Variants in ALDH4A1 observed in about 807,000 individuals in gnomAD.
The protein encoded by ALDH4A1 is aldehyde dehydrogenase 4 family member A1.
ALDH4A1 carries 46 observed loss-of-function variants against 70.5 expected under a neutral mutation model. The ratio of observed to expected loss-of-function variants is 0.65; its 90% CI spans 0.51 to 0.83. ALDH4A1 has a LOEUF of 0.83. Ranked by LOEUF, ALDH4A1 falls within the 40% of genes least tolerant of loss-of-function variation. ALDH4A1 has a pLI of 0.00. For synonymous variants in ALDH4A1, 323 were observed against 324.3 expected (o/e 1.00, Z 0.04); for missense variants, 749 against 766.5 (o/e 0.98, Z 0.27).
At chr1:18,890,335 A>G in intron 1 of ALDH4A1, 1 of 507,830 alleles carries the variant, frequency 2.0e-6, no homozygotes, top group Non-Finnish European at 3.6e-6. Context: ...TGAGGTCAGG[A>G]GTTCGAGACC....
At chr1:18,900,527 T>C (rs760689549) in intron 1 of ALDH4A1, among the ~76,000 whole-genome samples, 1 of 152,190 alleles carries the variant, frequency 6.6e-6, no homozygotes, top group Non-Finnish European at 1.5e-5. Context: ...TTTTTCGTAA[T>C]TGTCAGGGCC....
chr1:18,872,634 G>T lies in ALDH4A1; in HGVS notation c.*211C>A, dbSNP rs1039917703. 7.3e-6 allele frequency: 4 copies of T among 545,358 alleles called. No individual in the cohort carries two copies. The highest frequency in any genetic ancestry group is 3.1e-5 in the Admixed American group (1 of 31,964). The allele number at this position is 545,358 out of a possible 1,614,324, so 33.8% of individuals were successfully genotyped here. A position where few individuals can be genotyped will look rare whatever the true frequency, so the allele number is the denominator to read the frequency against. ...CCTCCCACATGGCCGATGGGATAAGGGGTAGTGGCCATGTTCCTCCCCAGC... is the reference window on the plus strand; with the variant it reads ...CCTCCCACATGGCCGATGGGATAAGTGGTAGTGGCCATGTTCCTCCCCAGC... On this transcript the variant is annotated 3_prime_UTR_variant, in exon 15 of 15. Coordinates refer to ENST00000375341, the MANE Select transcript of ALDH4A1 (RefSeq NM_003748.4).
At chr1:18,899,761 C>T (rs1204532612) in intron 1 of ALDH4A1, among the ~76,000 whole-genome samples, 1 of 152,176 alleles carries the variant, frequency 6.6e-6, no homozygotes, top group African/African-American at 2.4e-5. Context: ...AGCTGCCATC[C>T]CTGGGCCCAC....
At chr1:18,875,546 G>T in intron 12 of ALDH4A1, 43 bp from the exon 13 acceptor site, 2 of 1,613,350 alleles carry the variant, frequency 1.2e-6, no homozygotes, top group South Asian at 2.2e-5. Flanking sequence ...CGGGACCAGG[G>T]ACCAGGGCCC....
Position 18,877,404 on chromosome 1 carries a change from G to T in ALDH4A1, c.1137+12C>A. 2.6e-6 allele frequency: 4 copies of T among 1,560,668 alleles called. No homozygotes were observed. The highest frequency in any genetic ancestry group is 2.6e-6 in the Non-Finnish European group (3 of 1,151,422). On this transcript the variant is annotated intron_variant, in intron 10 of 14. Transcript: ENST00000375341. ...CCCGCTGGGCCGCGGCGGGGGTGAC[G>T]GTGCCACTCACGTCGCCCACTTTGA...
chr1:18,877,633 G>GCC, intron 9 of ALDH4A1, 21 bp from the exon 10 acceptor site: 3 of 683,750 alleles, frequency 4.4e-6, no homozygotes, highest in Non-Finnish European at 7.9e-6. Context: ...CGGGGGTGGG[G>GCC]AAATGACCAG....
In ALDH4A1 at chr1:18,881,845, C is replaced by A. The variant is rs1380780666; in HGVS notation, c.721G>T (p.Ala241Ser). 12 of 1,613,682 alleles carry A rather than the reference C, an allele frequency of 7.4e-6. No homozygotes were observed. The highest frequency in any genetic ancestry group is 1.0e-5 in the Non-Finnish European group (12 of 1,180,040). The change falls in exon 8 of 15, where the codon GCC becomes TCC. Residue 241 changes from alanine (A) to serine (S), a missense_variant. By Grantham distance (99) the Ala-to-Ser change is moderately conservative. Coordinates refer to ENST00000375341, the MANE Select transcript of ALDH4A1 (RefSeq NM_003748.4). Reference protein sequence around the residue: ...LWKPSDTAMLASYAVYRILRE... With the variant: ...LWKPSDTAMLSSYAVYRILRE... Reference sequence around the variant, plus strand: ...AGGATGCGGTAGACAGCATAGCTGGCCAGCATGGCAGTGTCACTGGGCTTC... The same window carrying A: ...AGGATGCGGTAGACAGCATAGCTGGACAGCATGGCAGTGTCACTGGGCTTC...
At chr1:18,883,077 CAGG>C in intron 7 of ALDH4A1, 44 bp downstream of exon 7, 1 of 1,612,092 alleles carries the variant, frequency 6.2e-7, no homozygotes, top group Non-Finnish European at 8.5e-7. Flanking sequence ...CTGTTGGGAC[CAGG>C]AGGACAACCA....
At chr1:18,890,695 C>T (rs556356247) in intron 1 of ALDH4A1, 68 of 985,532 alleles carry the variant, frequency 6.9e-5, no homozygotes, top group South Asian at 1.4e-4. Flanking sequence ...CGAACTCACG[C>T]GGTTGTTTGA....
chr1:18,885,427 T>TGCCACCCCCCCCCCCCC, intron 5 of ALDH4A1, 46 bp downstream of exon 5: 3 of 650,922 alleles, frequency 4.6e-6, no homozygotes, highest in Non-Finnish European at 8.2e-6. Flanking sequence ...CACACCTGAC[T>TGCCACCCCCCCCCCCCC]CCCACCCCAC....
At chr1:18,896,357 G>C (rs1300240617) in intron 1 of ALDH4A1, among the ~76,000 whole-genome samples, 1 of 152,224 alleles carries the variant, frequency 6.6e-6, no homozygotes, top group Non-Finnish European at 1.5e-5. Flanking sequence ...TCCAAGGCCA[G>C]TGCTCTTCTG....
chr1:18,876,559 C>A, intron 11 of ALDH4A1, 92 bp from the exon 12 acceptor site: 2 of 1,408,410 alleles, frequency 1.4e-6, no homozygotes, highest in Non-Finnish European at 1.9e-6. Flanking sequence ...ACACCTGCAC[C>A]TGAAGGGCCC....
chr1:18,890,533 C>G (rs1031465536), intron 1 of ALDH4A1, among the ~76,000 whole-genome samples: 1 of 151,942 alleles, frequency 6.6e-6, no homozygotes, highest in Non-Finnish European at 1.5e-5. Flanking sequence ...GGTGAGAGAG[C>G]GAAAAACTCC....
At chr1:18,899,986 A>C (rs1935746298) in intron 1 of ALDH4A1, among the ~76,000 whole-genome samples, 1 of 152,202 alleles carries the variant, frequency 6.6e-6, no homozygotes, top group Admixed American at 6.5e-5. Context: ...TGGGCAGATG[A>C]GCTTGTTTCT....
rs1317776909 is a variant in ALDH4A1, at chr1:18,880,187, G to T, written c.867-814C>A. 3.9e-5 allele frequency among the ~76,000 whole-genome samples: 6 copies of T among 152,250 alleles called. No homozygotes were observed. Among genetic ancestry groups the T allele is most frequent in the African/African-American group, 1.4e-4 (6 of 41,556 alleles). ...ACTCCCACCCCCAGCAAAGCTGCGG[G>T]GAAGGGGGTGGCAGAGCCTGGGGCC... On this transcript the variant is annotated intron_variant, in intron 8 of 14. Coordinates refer to ENST00000375341, the MANE Select transcript of ALDH4A1 (RefSeq NM_003748.4). This position sits in a 1 kb window ranked among gnomAD's most constrained non-coding sequence, Gnocchi z 5.1.
chr1:18,882,744 G>GGTCAGC, intron 7 of ALDH4A1: 1 of 574,294 alleles, frequency 1.7e-6, no homozygotes, highest in East Asian at 4.3e-5. Flanking sequence ...GAGCACTGAA[G>GGTCAGC]GTCAGCGGTA....
At chr1:18,873,864 T>C (rs1360574323) in intron 14 of ALDH4A1, among the ~76,000 whole-genome samples, 5 of 152,198 alleles carry the variant, frequency 3.3e-5, no homozygotes, top group Admixed American at 2.6e-4. Flanking sequence ...TTCTAATGCG[T>C]CGCAAAGTCA....
chr1:18,875,723 A>T (rs980244164), intron 12 of ALDH4A1, among the ~76,000 whole-genome samples: 1 of 152,190 alleles, frequency 6.6e-6, no homozygotes, highest in African/African-American at 2.4e-5. Context: ...ACAAGCCGGC[A>T]AAAGATGCAA....
chr1:18,899,792 G>A (rs1263076430), intron 1 of ALDH4A1, among the ~76,000 whole-genome samples: 1 of 152,206 alleles, frequency 6.6e-6, no homozygotes, highest in Non-Finnish European at 1.5e-5. Flanking sequence ...CACACTTTAT[G>A]GTGATTGTCC....
Sources: allele counts gnomAD v4.1 joint callset (sites outside exome capture counted in the v4.1 genomes callset), GRCh38; gene constraint gnomAD v4.1.1; non-coding constraint Gnocchi (gnomAD v3.1); transcripts MANE v1.5; gene names NCBI Gene and HGNC (gene_info 2026-07-23, HGNC 2026-07-21).